SYNE1: variants seen among roughly 807,000 people sequenced by gnomAD.
The protein encoded by SYNE1 is spectrin repeat containing nuclear envelope protein 1, also known as nesprin-1.
A neutral mutation model predicts 1,111.0 loss-of-function variants in SYNE1; 616 were observed. The observed-to-expected ratio is 0.55, with a 90% CI of 0.52 to 0.59. The LOEUF is 0.59. Ranked by LOEUF, SYNE1 falls within the 20% of genes least tolerant of loss-of-function variation. The pLI is 0.00. For synonymous variants in SYNE1, 3,855 were observed against 3,825.8 expected (o/e 1.01, Z -0.28); for missense variants, 10,006 against 10,417.0 (o/e 0.96, Z 1.72).
rs867695950 is a variant in SYNE1, at chr6:152,473,567, A to G, written c.1351-1154T>C. 4.6e-4 allele frequency among the ~76,000 whole-genome samples: 70 copies of G among 152,332 alleles called. 1 individual carries two copies. Among genetic ancestry groups the G allele is most frequent in the African/African-American group, 1.5e-3 (61 of 41,580 alleles). On this transcript the variant is annotated intron_variant, in intron 14 of 145. Transcript: ENST00000367255. The stretch of plus-strand genomic sequence containing the variant: ...TTGACCTGCTTTGACTCTGAAGGTA[A>G]GTGCAGAGATACTCACAAGTCATGT...
intron 16 of SYNE1, among the ~76,000 whole-genome samples, chr6:152,469,151 T>A (rs987248500): frequency 6.6e-6 from 1 of 152,142 alleles, no homozygotes; most frequent in Non-Finnish European, 1.5e-5. Flanking sequence ...CTTTGGTGAT[T>A]TGTGATTTTA....
intron 73 of SYNE1, among the ~76,000 whole-genome samples, chr6:152,345,530 A>G (rs1199027496): frequency 6.6e-6 from 1 of 151,888 alleles, no homozygotes; most frequent in East Asian, 1.9e-4. Flanking sequence ...CATTCTAACC[A>G]CATCACTGAT....
At chr6:152,552,881 G>A (rs2099352339) in intron 3 of SYNE1, among the ~76,000 whole-genome samples, 1 of 152,226 alleles carries the variant, frequency 6.6e-6, no homozygotes, top group Admixed American at 6.5e-5. Flanking sequence ...TGGCCACCGC[G>A]GCAGCTGCAG....
intron 105 of SYNE1, among the ~76,000 whole-genome samples, chr6:152,245,849 G>A (rs188868532): frequency 6.6e-6 from 1 of 152,074 alleles, no homozygotes; most frequent in Non-Finnish European, 1.5e-5. Flanking sequence ...TTCTTCCCGG[G>A]TAAAAGACTG....
chr6:152,170,358 C>T (rs2064882380), intron 130 of SYNE1, among the ~76,000 whole-genome samples: 1 of 152,174 alleles, frequency 6.6e-6, no homozygotes, highest in African/African-American at 2.4e-5. Context: ...ATAGTAAACA[C>T]AGTCCTTTCC....
At chr6:152,621,570 T>C (rs2099675452) in intron 3 of SYNE1, among the ~76,000 whole-genome samples, 1 of 151,246 alleles carries the variant, frequency 6.6e-6, no homozygotes, top group Admixed American at 6.6e-5. Context: ...AATTTAGTAT[T>C]TGTAAACCTT....
chr6:152,325,895 T>G (rs1195993224), intron 80 of SYNE1, 63 bp downstream of exon 80: 2 of 1,581,474 alleles, frequency 1.3e-6, no homozygotes, highest in Non-Finnish European at 1.7e-6. Context: ...TTATTGATCA[T>G]GTTGCAAAGA....
chr6:152,264,472 T>TTAGATAAGTCTC (rs2153659959), intron 100 of SYNE1, among the ~76,000 whole-genome samples: 1 of 152,100 alleles, frequency 6.6e-6, no homozygotes, highest in Non-Finnish European at 1.5e-5. Flanking sequence ...AACAGTGTCT[T>TTAGATAAGTCTC]TAGATAAGTC....
chr6:152,202,976 C>T (rs115444321), intron 126 of SYNE1, among the ~76,000 whole-genome samples: 127 of 152,130 alleles, frequency 8.3e-4, no homozygotes, highest in African/African-American at 2.8e-3. Context: ...ATCTAATATG[C>T]AAAGTAGCAG....
chr6:152,450,504 A>G, intron 27 of SYNE1, 121 bp downstream of exon 27: 1 of 1,008,986 alleles, frequency 9.9e-7, no homozygotes, highest in Non-Finnish European at 1.6e-6. Context: ...TAAATGAAGG[A>G]TTTTTGTACG....
chr6:152,181,679 A>T (rs2153192227), intron 128 of SYNE1, among the ~76,000 whole-genome samples: 1 of 152,190 alleles, frequency 6.6e-6, no homozygotes, highest in East Asian at 1.9e-4. Flanking sequence ...CATTGTATGA[A>T]TATACCACAT....
intron 6 of SYNE1, 41 bp from the exon 7 acceptor site, chr6:152,511,144 T>C (rs1380273139): frequency 1.3e-6 from 2 of 1,523,080 alleles, no homozygotes; most frequent in African/African-American, 2.7e-5. Context: ...TGTACTAGAA[T>C]ATTATAACTC....
At chr6:152,578,722 C>G (rs190304903) in intron 3 of SYNE1, among the ~76,000 whole-genome samples, 1 of 152,158 alleles carries the variant, frequency 6.6e-6, no homozygotes, top group Non-Finnish European at 1.5e-5. Context: ...GTCTATAACC[C>G]TGTTTTCCTG....
intron 3 of SYNE1, among the ~76,000 whole-genome samples, chr6:152,577,494 A>G (rs1015021079): frequency 1.3e-5 from 2 of 152,078 alleles, no homozygotes; most frequent in Admixed American, 6.5e-5. Context: ...TTAGCCGGGC[A>G]TGGTGGCGGG....
chr6:152,182,091 A>C (rs1018190953), intron 128 of SYNE1, among the ~76,000 whole-genome samples: 1 of 152,166 alleles, frequency 6.6e-6, no homozygotes, highest in Non-Finnish European at 1.5e-5. Flanking sequence ...CTGCTTTTTA[A>C]TTAGATTGCC....
intron 47 of SYNE1, among the ~76,000 whole-genome samples, chr6:152,400,036 G>A (rs934835320): frequency 6.6e-6 from 1 of 152,006 alleles, no homozygotes; most frequent in Non-Finnish European, 1.5e-5. Context: ...ACAGCTGTTG[G>A]GAAGTAGTTA....
Position 152,430,746 on chromosome 6 carries a change from G to T in SYNE1, c.4462-37C>A, listed in dbSNP as rs751846629. ...AACAAGAAAAATGACAATGTAGGCT[G>T]AGCAAGCTTGCCTTCCTGAAATGAT... On this transcript the variant is annotated intron_variant, in intron 34 of 145. Transcript: ENST00000367255. 6 of 1,574,480 alleles carry T rather than the reference G, an allele frequency of 3.8e-6. No homozygotes were observed. The South Asian group carries it at 6.7e-5, about 17-fold the overall frequency.
chr6:152,122,964 A>C (rs555362560), intron 145 of SYNE1, among the ~76,000 whole-genome samples: 2 of 152,350 alleles, frequency 1.3e-5, no homozygotes, highest in African/African-American at 4.8e-5. Flanking sequence ...TTTTCTATCA[A>C]CGAAAATAAC....
intron 8 of SYNE1, 106 bp from the exon 9 acceptor site, chr6:152,505,503 G>T: frequency 8.2e-7 from 1 of 1,217,146 alleles, no homozygotes; most frequent in Non-Finnish European, 1.2e-6. Flanking sequence ...GATATGCAGA[G>T]AGCTGTATCA....
Sources: gnomAD v4.1 joint callset for allele counts (sites outside exome capture counted in the v4.1 genomes callset) on GRCh38, gnomAD v4.1.1 for gene constraint, MANE v1.5 for transcripts, NCBI Gene and HGNC (gene_info 2026-07-23, HGNC 2026-07-21) for gene names.